Variants in GGNBP2 observed in about 807,000 individuals in gnomAD.
GGNBP2 encodes gametogenetin-binding protein 2.
Under a neutral mutation model 85.9 loss-of-function variants are expected in GGNBP2, and 10 were observed. The observed-to-expected ratio is 0.12, with a 90% CI of 0.07 to 0.20. GGNBP2 has a LOEUF of 0.20. GGNBP2 is among the 10% of genes least tolerant of loss of function. GGNBP2 has a pLI of 1.00. For synonymous variants in GGNBP2, 287 were observed against 285.7 expected, an observed-to-expected ratio of 1.00 and a Z score of -0.05; for missense variants, 595 against 857.8, an observed-to-expected ratio of 0.69 and a Z score of 3.83.
chr17:36,571,822 G>C (rs564099352), intron 6 of GGNBP2, among the ~76,000 whole-genome samples: 1 of 151,946 alleles, frequency 6.6e-6, no homozygotes, highest in South Asian at 2.1e-4. Context: ...CAGCCTGGGC[G>C]ACAGAGCGAG....
At chr17:36,559,944 C>T (rs1038907313) in intron 4 of GGNBP2, among the ~76,000 whole-genome samples, 3 of 152,146 alleles carry the variant, frequency 2.0e-5, no homozygotes, top group Admixed American at 2.0e-4. Flanking sequence ...AAGTGATTCT[C>T]GTGCCTCAGC....
intron 2 of GGNBP2, among the ~76,000 whole-genome samples, chr17:36,550,547 T>C (rs1439787846): frequency 1.3e-5 from 2 of 152,230 alleles, no homozygotes; most frequent in Admixed American, 1.3e-4. Context: ...AAAACCAAAA[T>C]GACAGTGATT....
intron 6 of GGNBP2, among the ~76,000 whole-genome samples, chr17:36,570,754 C>G (rs2074515670): frequency 1.3e-5 from 2 of 152,114 alleles, no homozygotes; most frequent in African/African-American, 4.8e-5. Flanking sequence ...GGCATGGTGG[C>G]TCATGCCTGT....
intron 2 of GGNBP2, 82 bp from the exon 3 acceptor site, chr17:36,554,738 G>T: frequency 1.1e-6 from 1 of 929,808 alleles, no homozygotes. Flanking sequence ...TGGCTTTCAC[G>T]GGTCTATTTC....
In GGNBP2 at chr17:36,554,352, ATTTTTTTTTTTTTTTTT is replaced by A. The variant is rs780217291; in HGVS notation, c.94-450_94-434del. ...ATGGAAACTTGTCTTATGTACTTGA[ATTTTTTTTTTTTTTTTT>A]TTTTTTTTTTTTTTTTTGACAGAGT... is the stretch of plus-strand genomic sequence containing the variant. On this transcript the variant is annotated intron_variant, in intron 2 of 13. Coordinates refer to ENST00000613102, the MANE Select transcript of GGNBP2 (RefSeq NM_024835.5). Among the ~76,000 whole-genome samples the A allele has an allele frequency of 3.8e-3, 168 of 44,528 alleles. 1 individual carries two copies. Among genetic ancestry groups the A allele is most frequent in the African/African-American group, 0.017 (157 of 9,136 alleles). The allele number at this position is 44,528 out of a possible 152,430, so 29.2% of individuals were successfully genotyped here. A position where few individuals can be genotyped will look rare whatever the true frequency, so the allele number is the denominator to read the frequency against.
chr17:36,560,049 G>T (rs1375942805), intron 4 of GGNBP2, among the ~76,000 whole-genome samples: 1 of 151,994 alleles, frequency 6.6e-6, no homozygotes, highest in Non-Finnish European at 1.5e-5. Flanking sequence ...TGTTGGCCAG[G>T]CTGGTCTCTT....
At chr17:36,575,559 T>G (rs965248309) in intron 6 of GGNBP2, among the ~76,000 whole-genome samples, 1 of 148,062 alleles carries the variant, frequency 6.8e-6, no homozygotes, top group Non-Finnish European at 1.5e-5. Context: ...TTTAACATTA[T>G]TTGTCAGCAT....
chr17:36,574,891 G>A (rs2074561101), intron 6 of GGNBP2: 6 of 765,018 alleles, frequency 7.8e-6, no homozygotes, highest in South Asian at 2.9e-5. Flanking sequence ...CCCCGTGGAT[G>A]GCAGTGGCCA....
At position 36,585,317 on chromosome 17, in the gene GGNBP2, A is replaced by G; in HGVS notation, c.1233A>G (p.Glu411=). Residue 411 remains glutamate, a synonymous_variant, in exon 10 of 14, where the codon GAA becomes GAG. Coordinates refer to ENST00000613102, the MANE Select transcript of GGNBP2 (RefSeq NM_024835.5). ...CCTTAAAGGAAACAGACTTCATAGA[A>G]AATAGCAGCTGCAAAGCCTGTGGCA... The part of the protein sequence containing the change: ...VSQEKETDFI[E]NSSCKACGST... 1 of 1,612,216 alleles carries G rather than the reference A, an allele frequency of 6.2e-7. No homozygotes were observed. The highest frequency in any genetic ancestry group is 1.1e-5 in the South Asian group (1 of 90,440).
At position 36,581,299 on chromosome 17, in the gene GGNBP2, A is replaced by G. The variant is rs776531134; in HGVS notation, c.1021-45A>G. ...GATTCCGTCTCAAAAAAAAAAGAAA[A>G]GAAGTTCTGACCAATATTCACCCTC... is the stretch of plus-strand genomic sequence containing the variant. On this transcript the variant is annotated intron_variant, in intron 8 of 13. Transcript: ENST00000613102. The G allele has an allele frequency of 2.3e-6, 3 of 1,322,126 alleles. No individual in the cohort carries two copies. In the African/African-American group the frequency reaches 4.5e-5, roughly 20 times the overall value. The allele number at this position is 1,322,126 out of a possible 1,614,324, so 81.9% of individuals were successfully genotyped here.
intron 5 of GGNBP2, among the ~76,000 whole-genome samples, chr17:36,563,372 T>A (rs2074438423): frequency 6.6e-6 from 1 of 152,112 alleles, no homozygotes; most frequent in Admixed American, 6.6e-5. Flanking sequence ...TTACCAAGAT[T>A]TAGTAGTAAT....
intron 1 of GGNBP2, 92 bp from the exon 2 acceptor site, chr17:36,545,527 C>T: frequency 2.0e-6 from 1 of 507,022 alleles, no homozygotes; most frequent in Non-Finnish European, 3.5e-6. Flanking sequence ...CAGCCCGGCT[C>T]TCCCGTACCC....
intron 2 of GGNBP2, among the ~76,000 whole-genome samples, chr17:36,550,409 A>G (rs1446012464): frequency 6.6e-6 from 1 of 152,220 alleles, no homozygotes; most frequent in Non-Finnish European, 1.5e-5. Context: ...AAAATGATAA[A>G]TGGTGGCATA....
At chr17:36,567,966 G>A (rs1215405301) in intron 6 of GGNBP2, among the ~76,000 whole-genome samples, 190 bp downstream of exon 6, 1 of 150,646 alleles carries the variant, frequency 6.6e-6, no homozygotes, top group Non-Finnish European at 1.5e-5. Context: ...TAGCTCTGTC[G>A]CCAGGCTGGA....
At chr17:36,566,523 A>C (rs1555605862) in intron 5 of GGNBP2, among the ~76,000 whole-genome samples, 1 of 151,844 alleles carries the variant, frequency 6.6e-6, no homozygotes, top group African/African-American at 2.4e-5. Flanking sequence ...AAAATAAAAA[A>C]ATAAAAATAA....
intron 4 of GGNBP2, among the ~76,000 whole-genome samples, chr17:36,558,425 A>G (rs955088813): frequency 2.0e-5 from 3 of 149,826 alleles, no homozygotes; most frequent in African/African-American, 7.3e-5. Context: ...AAAAAAAAAA[A>G]AAAAAAAAAA....
At chr17:36,554,768 C>G in intron 2 of GGNBP2, 52 bp from the exon 3 acceptor site, 4 of 1,103,446 alleles carry the variant, frequency 3.6e-6, no homozygotes, top group African/African-American at 1.5e-5. Flanking sequence ...TAGGCTGTAT[C>G]CTGTTCTCAG....
At chr17:36,558,837 T>C (rs1167229404) in intron 4 of GGNBP2, among the ~76,000 whole-genome samples, 1 of 151,904 alleles carries the variant, frequency 6.6e-6, no homozygotes, top group Non-Finnish European at 1.5e-5. Flanking sequence ...TCTGATGAAA[T>C]CTGGCTTACT....
intron 2 of GGNBP2, among the ~76,000 whole-genome samples, chr17:36,549,207 G>GTTT (rs554924934): frequency 6.8e-6 from 1 of 147,074 alleles, no homozygotes. Flanking sequence ...AAGAATTAAA[G>GTTT]TTTTTTTTTT....
Sources: allele counts gnomAD v4.1 joint callset (sites outside exome capture counted in the v4.1 genomes callset), GRCh38; gene constraint gnomAD v4.1.1; transcripts MANE v1.5; gene names NCBI Gene and HGNC (gene_info 2026-07-23, HGNC 2026-07-21).